COL5A2: variants seen among roughly 807,000 people sequenced by gnomAD.
COL5A2 encodes the protein collagen type V alpha 2 chain.
A neutral mutation model predicts 208.2 loss-of-function variants in COL5A2; 23 were observed. The observed-to-expected ratio is 0.11, with a 90% CI of 0.08 to 0.16. The LOEUF is 0.16. COL5A2 is among the 10% of genes least tolerant of loss of function. The probability of loss-of-function intolerance (pLI) is 1.00; values close to 1 mark genes in which losing one functional copy is unlikely to be tolerated. For missense variants in COL5A2, 1,590 were observed against 1,956.4 expected, an observed-to-expected ratio of 0.81 and a Z score of 3.53; for synonymous variants, 625 against 628.5, an observed-to-expected ratio of 0.99 and a Z score of 0.08.
upstream of COL5A2, among the ~76,000 whole-genome samples, chr2:189,180,920 A>T (rs530908456): frequency 1.1e-4 from 17 of 152,310 alleles, no homozygotes; most frequent in African/African-American, 3.9e-4. Context: ...TGTTCTATAC[A>T]ATACAAGTGA....
intron 1 of COL5A2, among the ~76,000 whole-genome samples, chr2:189,168,957 G>C (rs1273090024): frequency 6.6e-6 from 1 of 152,172 alleles, no homozygotes; most frequent in Non-Finnish European, 1.5e-5. Flanking sequence ...CTGCTTTCTG[G>C]AGTCAATTTC....
chr2:189,075,445 A>G lies in COL5A2; in HGVS notation c.1060-8T>C. ...ATGTGCACCTCGTTGTCCCTAATTA[A>G]GAGAAAAAGAGACAAGACAGGATAA... On this transcript the variant is annotated splice_polypyrimidine_tract_variant and splice_region_variant and intron_variant, in intron 16 of 53. Transcript: ENST00000374866. The G allele has an allele frequency of 6.2e-7, 1 of 1,601,954 alleles. No individual in the cohort carries two copies. The highest frequency in any genetic ancestry group is 8.6e-7 in the Non-Finnish European group (1 of 1,169,434).
At chr2:189,293,901 C>T in the COL5A2 span, among the ~76,000 whole-genome samples, 42 of 152,136 alleles carry the variant, frequency 2.8e-4, no homozygotes, top group East Asian at 1.4e-3. Context: ...CTGGCTAACA[C>T]GGTGAAACCC....
the COL5A2 span, among the ~76,000 whole-genome samples, chr2:189,403,803 G>C: frequency 2.6e-5 from 4 of 152,194 alleles, no homozygotes; most frequent in Admixed American, 2.6e-4. Flanking sequence ...CTGATGTGCT[G>C]CTGAATTTGG....
At chr2:189,384,612 G>A in the COL5A2 span, among the ~76,000 whole-genome samples, 1 of 151,938 alleles carries the variant, frequency 6.6e-6, no homozygotes, top group Non-Finnish European at 1.5e-5. Flanking sequence ...TTTTGCTATT[G>A]AATTGTTTGA....
Position 189,036,393 on chromosome 2 carries a change from C to A in COL5A2, c.4113+223G>T, listed in dbSNP as rs13393368. Among the ~76,000 whole-genome samples, 23,080 of 151,946 alleles carry A rather than the reference C, an allele frequency of 0.15. 1,735 individuals are homozygous for A. The highest frequency in any genetic ancestry group is 0.19 in the Middle Eastern group (57 of 294). ...AATAATTACTTTTCTATATTTCATC[C>A]ATGAGAAAATTTTTAATTCAAAATT... On this transcript the variant is annotated intron_variant, in intron 52 of 53. Transcript: ENST00000374866.
intron 1 of COL5A2, among the ~76,000 whole-genome samples, chr2:189,118,168 T>C (rs993836471): frequency 3.3e-5 from 5 of 152,010 alleles, no homozygotes; most frequent in Non-Finnish European, 7.4e-5. Flanking sequence ...GGGCCAAACC[T>C]ACAAAGCTTT....
At chr2:189,371,131 G>T in the COL5A2 span, among the ~76,000 whole-genome samples, 36 of 152,126 alleles carry the variant, frequency 2.4e-4, no homozygotes, top group Non-Finnish European at 4.3e-4. Context: ...GCTATGAGAT[G>T]TGCCTGCTCC....
the COL5A2 span, among the ~76,000 whole-genome samples, chr2:189,365,008 T>G: frequency 6.6e-6 from 1 of 152,218 alleles, no homozygotes. Flanking sequence ...TGAAATCTAT[T>G]TTTTAAAGTA....
At position 189,032,914 on chromosome 2, in the gene COL5A2, C is replaced by T. The variant is rs1484897336; in HGVS notation, c.*1156G>A. On this transcript the variant is annotated 3_prime_UTR_variant, in exon 54 of 54. Coordinates refer to ENST00000374866, the MANE Select transcript of COL5A2 (RefSeq NM_000393.5). ...GGAAAAATAATAATACCTTTTTAGC[C>T]CTGCCTATCTCCAGTCTTGGAATAA... The T allele has an allele frequency of 6.6e-6, 1 of 152,484 alleles. No homozygotes were observed. The highest frequency in any genetic ancestry group is 2.4e-5 in the African/African-American group (1 of 41,408). 9.4% of individuals were successfully genotyped at this position (152,484 alleles called of 1,614,324 possible). A position where few individuals can be genotyped will look rare whatever the true frequency, so the allele number is the denominator to read the frequency against.
chr2:189,281,612 A>G, the COL5A2 span, among the ~76,000 whole-genome samples: 2 of 152,198 alleles, frequency 1.3e-5, no homozygotes, highest in Non-Finnish European at 2.9e-5. Context: ...ACTCTCTATG[A>G]TCAGAATGAT....
the COL5A2 span, among the ~76,000 whole-genome samples, chr2:189,367,243 C>A: frequency 6.6e-6 from 1 of 152,108 alleles, no homozygotes; most frequent in African/African-American, 2.4e-5. Context: ...CCCGAATTGG[C>A]CCAGGACTTT....
At chr2:189,375,882 A>G in the COL5A2 span, among the ~76,000 whole-genome samples, 5 of 152,228 alleles carry the variant, frequency 3.3e-5, no homozygotes, top group African/African-American at 1.2e-4. Flanking sequence ...GTGGAAAGAA[A>G]TCTCCAACTC....
intron 2 of COL5A2, among the ~76,000 whole-genome samples, chr2:189,109,461 G>GA (rs562628811): frequency 6.5e-4 from 96 of 147,930 alleles, no homozygotes; most frequent in African/African-American, 1.0e-3. Context: ...ATGAAATTTT[G>GA]AAAAAAAAAT....
chr2:189,139,469 A>G (rs1687893489), intron 1 of COL5A2, among the ~76,000 whole-genome samples: 1 of 152,110 alleles, frequency 6.6e-6, no homozygotes, highest in Non-Finnish European at 1.5e-5. Flanking sequence ...AATCGTCAAA[A>G]TCCTAAAAAA....
the COL5A2 span, among the ~76,000 whole-genome samples, chr2:189,337,179 T>C: frequency 6.6e-6 from 1 of 150,908 alleles, no homozygotes; most frequent in East Asian, 1.9e-4. Context: ...GACATCATTT[T>C]TTTTTTTCTT....
At chr2:189,045,611 T>G (rs892828282) in intron 46 of COL5A2, among the ~76,000 whole-genome samples, 189 bp downstream of exon 46, 18 of 152,238 alleles carry the variant, frequency 1.2e-4, no homozygotes, top group Non-Finnish European at 2.6e-4. Context: ...TTCTATTCCC[T>G]CTTAGAAATG....
chr2:189,303,169 T>C, the COL5A2 span, among the ~76,000 whole-genome samples: 1 of 152,184 alleles, frequency 6.6e-6, no homozygotes, highest in Non-Finnish European at 1.5e-5. Flanking sequence ...ATTAAATTTG[T>C]GGGTGGAAGA....
chr2:189,176,672 A>T (rs1688683649), intron 1 of COL5A2, among the ~76,000 whole-genome samples: 10 of 151,962 alleles, frequency 6.6e-5, no homozygotes, highest in Admixed American at 6.6e-4. Flanking sequence ...TCTTTTGAAG[A>T]CCACCACCCC....
Sources: allele counts gnomAD v4.1 joint callset (sites outside exome capture counted in the v4.1 genomes callset), GRCh38; gene constraint gnomAD v4.1.1; transcripts MANE v1.5; gene names NCBI Gene and HGNC (gene_info 2026-07-23, HGNC 2026-07-21).